TNS3: variants seen among roughly 807,000 people sequenced by gnomAD.
TNS3 encodes tensin 3.
Under a neutral mutation model 140.9 loss-of-function variants are expected in TNS3, and 45 were observed. The ratio of observed to expected loss-of-function variants is 0.32; its 90% CI spans 0.25 to 0.41. TNS3 has a LOEUF of 0.41. TNS3 is among the 10% of genes least tolerant of loss of function. The pLI, the probability that TNS3 is intolerant of heterozygous loss-of-function variation, is 1.00. For synonymous variants in TNS3, 815 were observed against 788.4 expected (o/e 1.03, Z -0.56); for missense variants, 1,716 against 1,906.7 (o/e 0.90, Z 1.86).
intron 16 of TNS3, among the ~76,000 whole-genome samples, chr7:47,376,078 T>C (rs1373738723): frequency 6.6e-6 from 1 of 152,176 alleles, no homozygotes; most frequent in Non-Finnish European, 1.5e-5. Context: ...TTCTTCTCCA[T>C]GAAAGTTGGT....
chr7:47,504,047 C>G (rs867209041), intron 3 of TNS3, among the ~76,000 whole-genome samples: 1 of 152,156 alleles, frequency 6.6e-6, no homozygotes, highest in African/African-American at 2.4e-5. Flanking sequence ...ACACAAACAT[C>G]AAGACCATAG....
intron 2 of TNS3, among the ~76,000 whole-genome samples, chr7:47,519,658 C>T (rs1156971742): frequency 6.6e-6 from 1 of 152,094 alleles, no homozygotes; most frequent in East Asian, 1.9e-4. Context: ...ACAGTAGGCA[C>T]CTCCTAGACC....
intron 10 of TNS3, among the ~76,000 whole-genome samples, chr7:47,422,247 G>A (rs1051893669): frequency 5.9e-5 from 9 of 152,170 alleles, no homozygotes; most frequent in African/African-American, 2.2e-4. Context: ...AATCCAGCAA[G>A]CATTAAAAAA....
chr7:47,344,130 C>A (rs955757323), intron 20 of TNS3, among the ~76,000 whole-genome samples: 3 of 152,206 alleles, frequency 2.0e-5, no homozygotes, highest in African/African-American at 4.8e-5. Context: ...TCTCTCTCCA[C>A]CTGCCTGAGC....
intron 15 of TNS3, 100 bp from the exon 16 acceptor site, chr7:47,397,004 G>A (rs1792875295): frequency 2.5e-6 from 2 of 814,266 alleles, no homozygotes; most frequent in African/African-American, 1.7e-5. Context: ...GACTTGAGCA[G>A]GAGAGAGAAG....
intron 3 of TNS3, among the ~76,000 whole-genome samples, chr7:47,481,933 T>C (rs781778866): frequency 3.9e-5 from 6 of 152,088 alleles, no homozygotes; most frequent in African/African-American, 1.4e-4. Context: ...CAGGTAACAA[T>C]AGTGCCTTCC....
chr7:47,409,021 A>G lies in TNS3; in HGVS notation c.723+2706T>C, dbSNP rs116114197. On this transcript the variant is annotated intron_variant, in intron 13 of 30. Coordinates refer to ENST00000311160, the MANE Select transcript of TNS3 (RefSeq NM_022748.12). ...CTCATGGGCCTAGAGCAAGCATAGC[A>G]ACTCCAAAAGCACAAAACATTAAAA... is the stretch of plus-strand genomic sequence containing the variant. Among the ~76,000 whole-genome samples the G allele has an allele frequency of 6.3e-3, 959 of 152,262 alleles. 5 individuals carry two copies. Among genetic ancestry groups the G allele is most frequent in the African/African-American group, 0.021 (891 of 41,526 alleles).
chr7:47,483,270 C>T (rs1034939585), intron 3 of TNS3, among the ~76,000 whole-genome samples: 93 of 151,740 alleles, frequency 6.1e-4, no homozygotes, highest in African/African-American at 1.9e-3. Flanking sequence ...CCCGGGTTCA[C>T]GCCATTCTCC....
intron 12 of TNS3, among the ~76,000 whole-genome samples, chr7:47,412,093 C>A (rs1793807013): frequency 6.6e-6 from 1 of 152,102 alleles, no homozygotes; most frequent in South Asian, 2.1e-4. Context: ...GAGGAAGGGG[C>A]CCAGGGTGTG....
At chr7:47,315,744 C>T (rs1328941461) in intron 20 of TNS3, among the ~76,000 whole-genome samples, 5 of 152,304 alleles carry the variant, frequency 3.3e-5, no homozygotes, top group African/African-American at 1.2e-4. Flanking sequence ...CATCAAAGTT[C>T]ATCCTCAGGA....
rs1478015110 is a variant in TNS3, at chr7:47,389,055, A to C, written c.1024+7745T>G. Among the ~76,000 whole-genome samples the C allele has an allele frequency of 4.1e-3, 261 of 63,662 alleles. 57 individuals are homozygous for C. The highest frequency in any genetic ancestry group is 0.018 in the African/African-American group (246 of 13,528). The allele number at this position is 63,662 out of a possible 152,430, so 41.8% of individuals were successfully genotyped here. On this transcript the variant is annotated intron_variant, in intron 16 of 30. Coordinates refer to ENST00000311160, the MANE Select transcript of TNS3 (RefSeq NM_022748.12). ...GAAGAAGAAGAAGAAGAAGAAGAAG[A>C]AGAAGAAGAAGAAGAAGAAGAAGAA...
rs568801119 is a variant in TNS3, at chr7:47,435,181, G to T, written c.324+101C>A. 1.7e-5 allele frequency: 26 copies of T among 1,500,166 alleles called. No individual in the cohort carries two copies. In the African/African-American group the frequency reaches 3.3e-4, roughly 19 times the overall value. The allele number at this position is 1,500,166 out of a possible 1,614,324, so 92.9% of individuals were successfully genotyped here. ...AACCCATAAGGAGCACATCGCACCA[G>T]CTCAAAGCGGAAATGTGCTCAGATG... is the stretch of plus-strand genomic sequence containing the variant. On this transcript the variant is annotated intron_variant, in intron 8 of 30. Transcript: ENST00000311160.
rs1277713546 is a variant in TNS3 at position 47,278,038 on chromosome 7, C to T, written c.*38G>A. 1 of 1,613,660 alleles carries T rather than the reference C, an allele frequency of 6.2e-7. No homozygotes were observed. The highest frequency in any genetic ancestry group is 8.5e-7 in the Non-Finnish European group (1 of 1,179,742). ...CACCCAACGGCTGTCTCCAGGGCTTCGAGAGGCATCGGTGGGTCCAGGGAG... is the reference window on the plus strand; with the variant it reads ...CACCCAACGGCTGTCTCCAGGGCTTTGAGAGGCATCGGTGGGTCCAGGGAG... On this transcript the variant is annotated 3_prime_UTR_variant, in exon 31 of 31. Coordinates refer to ENST00000311160, the MANE Select transcript of TNS3 (RefSeq NM_022748.12).
chr7:47,460,483 G>A (rs1358777885), intron 4 of TNS3, among the ~76,000 whole-genome samples: 1 of 152,186 alleles, frequency 6.6e-6, no homozygotes, highest in East Asian at 1.9e-4. Context: ...GCTCTGAGAT[G>A]CCTGGTGGGT....
intron 1 of TNS3, among the ~76,000 whole-genome samples, chr7:47,557,526 A>T (rs1800226755): frequency 6.6e-6 from 1 of 152,172 alleles, no homozygotes; most frequent in African/African-American, 2.4e-5. Context: ...CACATACAGA[A>T]ATCTATCTTA....
At chr7:47,523,973 G>A (rs1584809780) in intron 2 of TNS3, among the ~76,000 whole-genome samples, 1 of 152,158 alleles carries the variant, frequency 6.6e-6, no homozygotes, top group African/African-American at 2.4e-5. Context: ...AGACACACAA[G>A]AACACACATG....
Position 47,368,416 on chromosome 7 carries a change from T to C in TNS3, c.2230A>G (p.Ser744Gly). ...CCCTCTCCTGTGTCAGGCAGCCTGC[T>C]GCTTGCCCGGAGCCCACCTCCCACG... is the stretch of plus-strand genomic sequence containing the variant. The part of the protein sequence containing the change: ...DSVGGGLRAS[S>G]RLPDTGEGPS... The change falls in exon 17 of 31, where the codon AGC becomes GGC. Residue 744 changes from serine (S) to glycine (G), a missense_variant. Physicochemically the swap from Ser to Gly is moderately conservative, Grantham distance 56 (BLOSUM62 0). Around this residue, in one of 3 missense-constraint regions of TNS3, gnomAD observed 1,163 missense variants for 1,182.1 expected, o/e 0.98. Transcript: ENST00000311160. 2.0e-6 allele frequency: 3 copies of C among 1,522,418 alleles called. No individual in the cohort carries two copies. Among genetic ancestry groups the C allele is most frequent in the Middle Eastern group, 1.8e-4 (1 of 5,620 alleles). 94.3% of individuals were successfully genotyped at this position (1,522,418 alleles called of 1,614,324 possible).
intron 1 of TNS3, among the ~76,000 whole-genome samples, chr7:47,542,741 C>T (rs1799822786): frequency 6.6e-6 from 1 of 151,844 alleles, no homozygotes; most frequent in Non-Finnish European, 1.5e-5. Flanking sequence ...CGAGTCTGGC[C>T]AACATAGTGA....
Position 47,297,109 on chromosome 7 carries a change from G to A in TNS3, c.3649C>T (p.Pro1217Ser). ...GLAMKVATPP[P>S]SVLQLNKKAG... ...TTCTTGTTCAGCTGCAGGACTGAAG[G>A]TGGGGGCGTGGCCACCTTCATGGCC... Residue 1217 changes from proline (P) to serine (S), a missense_variant, in exon 24 of 31, where the codon CCT becomes TCT. By Grantham distance (74) the Pro-to-Ser change is moderately conservative. Coordinates refer to ENST00000311160, the MANE Select transcript of TNS3 (RefSeq NM_022748.12). 1 of 1,614,150 alleles carries A rather than the reference G, an allele frequency of 6.2e-7. No individual in the cohort carries two copies. Among genetic ancestry groups the A allele is most frequent in the South Asian group, 1.1e-5 (1 of 91,084 alleles).
Sources: gnomAD v4.1 joint callset for allele counts (sites outside exome capture counted in the v4.1 genomes callset) on GRCh38, gnomAD v4.1.1 for gene constraint, gnomAD v4.1.1 regional missense constraint, MANE v1.5 for transcripts, NCBI Gene and HGNC (gene_info 2026-07-23, HGNC 2026-07-21) for gene names.